The following DLGAP2 variants were observed in gnomAD, a reference collection of about 807,000 sequenced individuals.
DLGAP2 encodes the protein disks large-associated protein 2.
Under a neutral mutation model 100.3 loss-of-function variants are expected in DLGAP2, and 26 were observed. That is an observed-to-expected ratio of 0.26 (90% CI 0.19 to 0.36). DLGAP2 has a LOEUF of 0.36. Ranked by LOEUF, DLGAP2 falls within the 10% of genes least tolerant of loss-of-function variation. The pLI, the probability that DLGAP2 is intolerant of heterozygous loss-of-function variation, is 1.00. For synonymous variants in DLGAP2, 886 were observed against 630.1 expected (o/e 1.41, Z -6.08); for missense variants, 1,858 against 1,453.2 (o/e 1.28, Z -4.53).
chr8:749,856 G>A (rs1820747045), intron 1 of DLGAP2, among the ~76,000 whole-genome samples: 1 of 152,182 alleles, frequency 6.6e-6, no homozygotes, highest in South Asian at 2.1e-4. Flanking sequence ...GAGGTGTGGG[G>A]AGGGTCCCCT....
At chr8:1,077,674 A>G (rs973752860) in intron 2 of DLGAP2, among the ~76,000 whole-genome samples, 1 of 152,234 alleles carries the variant, frequency 6.6e-6, no homozygotes, top group Admixed American at 6.5e-5. Context: ...TCTAAGTTTT[A>G]TACTAAGAAT....
At chr8:772,064 G>T (rs951370189) in intron 1 of DLGAP2, among the ~76,000 whole-genome samples, 2 of 151,994 alleles carry the variant, frequency 1.3e-5, no homozygotes, top group African/African-American at 4.8e-5. Context: ...ACTATGCCTG[G>T]CTAATTTTCT....
chr8:835,671 C>T (rs901510907), intron 1 of DLGAP2, among the ~76,000 whole-genome samples: 3 of 152,176 alleles, frequency 2.0e-5, no homozygotes, highest in African/African-American at 7.2e-5. Context: ...AGGTTTGCTA[C>T]CTGTGAACTT....
At chr8:1,222,025 C>G (rs972814250) in intron 2 of DLGAP2, among the ~76,000 whole-genome samples, 1 of 152,154 alleles carries the variant, frequency 6.6e-6, no homozygotes, top group Non-Finnish European at 1.5e-5. Flanking sequence ...AGGTTTCAAC[C>G]TCATTCTGAA....
chr8:873,780 A>C (rs1332638420), intron 1 of DLGAP2, among the ~76,000 whole-genome samples: 2 of 152,164 alleles, frequency 1.3e-5, no homozygotes, highest in African/African-American at 4.8e-5. Flanking sequence ...ATATAAAGAA[A>C]GTTTGTTTTG....
intron 3 of DLGAP2, chr8:1,301,798 C>T (rs1460541477): frequency 6.6e-6 from 1 of 152,352 alleles, no homozygotes; most frequent in Non-Finnish European, 1.5e-5. Flanking sequence ...GCAGCAGAGC[C>T]ACGGCCGGCT....
At chr8:846,567 T>C (rs1797075303) in intron 1 of DLGAP2, among the ~76,000 whole-genome samples, 1 of 152,266 alleles carries the variant, frequency 6.6e-6, no homozygotes, top group South Asian at 2.1e-4. Context: ...TCCCATATCT[T>C]GGATATGATG....
chr8:886,446 C>G (rs980821996), intron 1 of DLGAP2, among the ~76,000 whole-genome samples: 1 of 152,046 alleles, frequency 6.6e-6, no homozygotes, highest in Non-Finnish European at 1.5e-5. Context: ...CTCTATAGCT[C>G]TTATAATTGC....
intron 6 of DLGAP2, among the ~76,000 whole-genome samples, chr8:1,600,863 C>T (rs528580274): frequency 2.0e-5 from 3 of 152,056 alleles, no homozygotes; most frequent in African/African-American, 7.2e-5. Flanking sequence ...TTTCTGAAAC[C>T]TACTTCTATA....
rs572616206 is a variant in DLGAP2 at position 791,038 on chromosome 8, C to G, written c.18+53213C>G. ...GATCACAGGCATGAGCCACCACGCC[C>G]GGACCAACATGCATTTTTGAGTCAT... On this transcript the variant is annotated intron_variant, in intron 1 of 14. Transcript: ENST00000637795. Among the ~76,000 whole-genome samples, 25 of 152,304 alleles carry G rather than the reference C, an allele frequency of 1.6e-4. No homozygotes were observed. In the East Asian group the frequency reaches 4.8e-3, roughly 29 times the overall value.
At position 1,074,937 on chromosome 8, in the gene DLGAP2, G is replaced by A. The variant is rs562378096; in HGVS notation, c.73+166971G>A. On this transcript the variant is annotated intron_variant, in intron 2 of 14. Coordinates refer to ENST00000637795, the MANE Select transcript of DLGAP2 (RefSeq NM_001346810.2). ...CCTTGGTCACCTTGCAGTTGGCAGGGGTGCAGCACATCTCACCAACAAACA... is the reference window on the plus strand; with the variant it reads ...CCTTGGTCACCTTGCAGTTGGCAGGAGTGCAGCACATCTCACCAACAAACA... Among the ~76,000 whole-genome samples, 5 of 152,116 alleles carry A rather than the reference G, an allele frequency of 3.3e-5. No individual in the cohort carries two copies. In the East Asian group the frequency reaches 9.7e-4, roughly 29 times the overall value.
chr8:1,010,217 C>A (rs1000770193), intron 2 of DLGAP2, among the ~76,000 whole-genome samples: 1 of 152,094 alleles, frequency 6.6e-6, no homozygotes, highest in Non-Finnish European at 1.5e-5. Flanking sequence ...ACTCAGATAT[C>A]AGTTTTATAC....
intron 3 of DLGAP2, among the ~76,000 whole-genome samples, chr8:1,421,337 G>C (rs962220142): frequency 1.7e-4 from 26 of 152,240 alleles, no homozygotes; most frequent in African/African-American, 5.8e-4. Context: ...GCATACATTA[G>C]AATCTTCCAG....
intron 2 of DLGAP2, among the ~76,000 whole-genome samples, chr8:1,226,329 A>G (rs1798414836): frequency 6.6e-6 from 1 of 152,204 alleles, no homozygotes; most frequent in Non-Finnish European, 1.5e-5. Context: ...AGGCGCATAG[A>G]TGAAGCTGGA....
At chr8:1,283,511 C>T (rs1433666252) in intron 3 of DLGAP2, among the ~76,000 whole-genome samples, 3 of 152,240 alleles carry the variant, frequency 2.0e-5, no homozygotes, top group African/African-American at 7.2e-5. Context: ...ATCACTTTAG[C>T]AGCTGCAGAA....
At chr8:1,338,972 G>A (rs77319480) in intron 3 of DLGAP2, among the ~76,000 whole-genome samples, 18 of 150,644 alleles carry the variant, frequency 1.2e-4, no homozygotes, top group Non-Finnish European at 1.5e-4. Flanking sequence ...AGGGAATGCA[G>A]TGACCTCAGT....
intron 3 of DLGAP2, among the ~76,000 whole-genome samples, chr8:1,442,975 G>A (rs73172547): frequency 8.3e-4 from 127 of 152,334 alleles, no homozygotes; most frequent in Non-Finnish European, 1.7e-3. Flanking sequence ...ATTTGCTTAC[G>A]TACTTATGGA....
At chr8:1,487,262 A>G (rs747704680) in intron 3 of DLGAP2, among the ~76,000 whole-genome samples, 3 of 152,234 alleles carry the variant, frequency 2.0e-5, no homozygotes, top group African/African-American at 7.2e-5. Flanking sequence ...ATTAATACCC[A>G]GAGTGGAATA....
intron 3 of DLGAP2, among the ~76,000 whole-genome samples, chr8:1,332,363 G>T (rs1044420660): frequency 6.6e-6 from 1 of 151,996 alleles, no homozygotes; most frequent in African/African-American, 2.4e-5. Flanking sequence ...ATACATCTGT[G>T]TACACATATC....
Sources: allele counts gnomAD v4.1 joint callset (sites outside exome capture counted in the v4.1 genomes callset), GRCh38; gene constraint gnomAD v4.1.1; transcripts MANE v1.5; gene names NCBI Gene and HGNC (gene_info 2026-07-23, HGNC 2026-07-21).